Variants in ASAP2 observed in about 807,000 individuals in gnomAD.
The protein encoded by ASAP2 is arf-GAP with SH3 domain, ANK repeat and PH domain-containing protein 2.
In ASAP2, 45 loss-of-function variants were observed where a neutral mutation model predicts 131.4. The observed-to-expected ratio is 0.34, with a 90% CI of 0.27 to 0.44. ASAP2 has a LOEUF of 0.44. Ranked by LOEUF, ASAP2 falls within the 20% of genes least tolerant of loss-of-function variation. The pLI is 1.00. For missense variants in ASAP2, 1,011 were observed against 1,297.0 expected (o/e 0.78, Z 3.39); for synonymous variants, 510 against 503.0 (o/e 1.01, Z -0.19).
intron 5 of ASAP2, among the ~76,000 whole-genome samples, chr2:9,320,990 T>G: frequency 6.6e-6 from 1 of 151,950 alleles, no homozygotes; most frequent in East Asian, 1.9e-4. Flanking sequence ...GTAGAGAGAG[T>G]CGAGCTACAG....
intron 2 of ASAP2, among the ~76,000 whole-genome samples, chr2:9,293,640 GCAGTGGGT>G (rs1225631025): frequency 6.6e-6 from 1 of 152,154 alleles, no homozygotes; most frequent in East Asian, 1.9e-4. Flanking sequence ...GTGATCTGCA[GCAGTGGGT>G]CAGTCAGTGC....
intron 17 of ASAP2, among the ~76,000 whole-genome samples, chr2:9,376,435 A>T (rs1404331229): frequency 6.6e-6 from 1 of 152,266 alleles, no homozygotes; most frequent in Non-Finnish European, 1.5e-5. Flanking sequence ...TGAGTTGGAG[A>T]CAGTGCAGTT....
At chr2:9,274,286 A>G (rs969815208) in intron 1 of ASAP2, among the ~76,000 whole-genome samples, 1 of 140,718 alleles carries the variant, frequency 7.1e-6, no homozygotes, top group African/African-American at 2.6e-5. Context: ...GTTTTTATAT[A>G]TAGTTGGCAT....
chr2:9,339,941 G>A (rs548034636), intron 9 of ASAP2, among the ~76,000 whole-genome samples: 49 of 152,206 alleles, frequency 3.2e-4, no homozygotes, highest in African/African-American at 1.1e-3. Context: ...CACTTTTCAG[G>A]TTTTCCAGGC....
intron 3 of ASAP2, among the ~76,000 whole-genome samples, chr2:9,301,580 T>C (rs1668474676): frequency 3.9e-5 from 6 of 152,198 alleles, no homozygotes. Context: ...AAAGGTTTGT[T>C]ACAGATATGT....
intron 1 of ASAP2, among the ~76,000 whole-genome samples, chr2:9,215,842 C>T (rs866802967): frequency 2.0e-5 from 3 of 152,102 alleles, no homozygotes; most frequent in East Asian, 1.9e-4. Context: ...TGTTTAGAAG[C>T]GCTCTTGGCG....
At chr2:9,216,389 C>T (rs979469242) in intron 1 of ASAP2, among the ~76,000 whole-genome samples, 25 of 148,862 alleles carry the variant, frequency 1.7e-4, no homozygotes, top group African/African-American at 5.5e-4. Flanking sequence ...TGGGCTCAAG[C>T]GATCCTCCTG....
At chr2:9,283,673 G>A (rs57215390) in intron 2 of ASAP2, among the ~76,000 whole-genome samples, 5,732 of 152,304 alleles carry the variant, frequency 0.038, 261 homozygotes, top group African/African-American at 0.1. Context: ...TTAAACAACA[G>A]AAATTTATTT....
At chr2:9,270,784 C>CTTTTTTTTTTTTTTTTTTTTTTTTTTTTT (rs1666294703) in intron 1 of ASAP2, among the ~76,000 whole-genome samples, 1 of 69,740 alleles carries the variant, frequency 1.4e-5, no homozygotes, top group African/African-American at 5.1e-5. Flanking sequence ...CAATTGTTTT[C>CTTTTTTTTTTTTTTTTTTTTTTTTTTTTT]ATTTTTTTTT....
intron 6 of ASAP2, among the ~76,000 whole-genome samples, chr2:9,326,780 T>C (rs1670507704): frequency 6.6e-6 from 1 of 152,238 alleles, no homozygotes; most frequent in Non-Finnish European, 1.5e-5. Context: ...TCTGTATGGA[T>C]GCACCATATG....
intron 12 of ASAP2, 41 bp downstream of exon 12, chr2:9,350,936 C>A: frequency 6.7e-7 from 1 of 1,489,484 alleles, no homozygotes; most frequent in Non-Finnish European, 9.3e-7. Context: ...GAGACGTTGT[C>A]TTATGCTCTC....
chr2:9,220,432 G>A (rs1318108279), intron 1 of ASAP2, among the ~76,000 whole-genome samples: 1 of 152,228 alleles, frequency 6.6e-6, no homozygotes, highest in Non-Finnish European at 1.5e-5. Flanking sequence ...TGGGTGTGAA[G>A]TGGTGGGTTT....
chr2:9,344,236 CA>C (rs554069846), intron 9 of ASAP2, among the ~76,000 whole-genome samples: 277 of 152,246 alleles, frequency 1.8e-3, no homozygotes, highest in Middle Eastern at 3.4e-3. Context: ...ATGTCACTGT[CA>C]GGGGGTTAAG....
chr2:9,361,974 CGTGTGTGT>C lies in ASAP2; in HGVS notation c.1461+3116_1461+3123del, dbSNP rs70948815. On this transcript the variant is annotated intron_variant, in intron 15 of 27. Coordinates refer to ENST00000281419, the MANE Select transcript of ASAP2 (RefSeq NM_003887.3). ...CCTCTTTATCTTATCTCTTTCTCTGCGTGTGTGTGTGTGTGTGTGTGTGTGTGTGTGTG... is the reference window on the plus strand; with the variant it reads ...CCTCTTTATCTTATCTCTTTCTCTGCGTGTGTGTGTGTGTGTGTGTGTGTG... 7.4e-3 allele frequency among the ~76,000 whole-genome samples: 1,067 copies of C among 143,274 alleles called. 10 individuals carry two copies. The highest frequency in any genetic ancestry group is 0.025 in the African/African-American group (989 of 39,238). The allele number at this position is 143,274 out of a possible 152,430, so 94.0% of individuals were successfully genotyped here. A position where few individuals can be genotyped will look rare whatever the true frequency, so the allele number is the denominator to read the frequency against.
At chr2:9,241,838 A>C (rs1043123940) in intron 1 of ASAP2, among the ~76,000 whole-genome samples, 21 of 152,170 alleles carry the variant, frequency 1.4e-4, no homozygotes, top group African/African-American at 4.6e-4. Flanking sequence ...GAAAGGTTGA[A>C]TCTAATAAGT....
intron 1 of ASAP2, among the ~76,000 whole-genome samples, chr2:9,234,811 C>A (rs1275469710): frequency 1.3e-5 from 2 of 152,168 alleles, no homozygotes; most frequent in Non-Finnish European, 2.9e-5. Context: ...TCCGGCCTTG[C>A]GAATGCTTCA....
rs1293595333 is a variant in ASAP2 at position 9,206,965 on chromosome 2, C to A, written c.-140C>A. 1 of 847,044 alleles carries A rather than the reference C, an allele frequency of 1.2e-6. No individual in the cohort carries two copies. Among genetic ancestry groups the A allele is most frequent in the Non-Finnish European group, 1.4e-6 (1 of 704,736 alleles). 52.5% of individuals were successfully genotyped at this position (847,044 alleles called of 1,614,324 possible). ...CTCCGCCGCCAGGCCCCGCGCGGCT[C>A]CCGCGCCCGGCGCTCCCCTTTGTCC... is the stretch of plus-strand genomic sequence containing the variant. On this transcript the variant is annotated 5_prime_UTR_variant, in exon 1 of 28. Transcript: ENST00000281419. The surrounding 1 kb of genome is among the most constrained non-coding windows in gnomAD (Gnocchi z 4.0).
rs946128886 is a variant in ASAP2 at position 9,389,008 on chromosome 2, G to A, written c.2383+462G>A. ...ATCCCCATAAAAGATATTGGGGAAC[G>A]ATGCTCGGCCTAATTGTAAAATACA... On this transcript the variant is annotated intron_variant, in intron 22 of 27. Transcript: ENST00000281419. This position sits in a 1 kb window ranked among gnomAD's most constrained non-coding sequence, Gnocchi z 4.7. Among the ~76,000 whole-genome samples, 4 of 152,204 alleles carry A rather than the reference G, an allele frequency of 2.6e-5. No individual in the cohort carries two copies. The highest frequency in any genetic ancestry group is 2.0e-4 in the Admixed American group (3 of 15,276).
At chr2:9,285,030 A>G (rs1239939331) in intron 2 of ASAP2, among the ~76,000 whole-genome samples, 1 of 152,122 alleles carries the variant, frequency 6.6e-6, no homozygotes, top group Admixed American at 6.5e-5. Context: ...TCAGCAACCC[A>G]CAGTGTGATG....
Sources: allele counts gnomAD v4.1 joint callset (sites outside exome capture counted in the v4.1 genomes callset), GRCh38; gene constraint gnomAD v4.1.1; non-coding constraint Gnocchi (gnomAD v3.1); transcripts MANE v1.5; gene names NCBI Gene and HGNC (gene_info 2026-07-23, HGNC 2026-07-21).